Variants in ANK3 observed in about 807,000 individuals in gnomAD.
The protein encoded by ANK3 is ankyrin 3.
A neutral mutation model predicts 370.9 loss-of-function variants in ANK3; 57 were observed. The ratio of observed to expected loss-of-function variants is 0.15; its 90% CI spans 0.12 to 0.19. The LOEUF is 0.19. ANK3 is among the 10% of genes least tolerant of loss of function. ANK3 has a pLI of 1.00. For missense variants in ANK3, 4,439 were observed against 5,302.1 expected, an observed-to-expected ratio of 0.84 and a Z score of 5.06; for synonymous variants, 1,929 against 1,946.3, an observed-to-expected ratio of 0.99 and a Z score of 0.23.
At chr10:60,091,729 C>T (rs188142500) in intron 28 of ANK3, among the ~76,000 whole-genome samples, 33 of 141,668 alleles carry the variant, frequency 2.3e-4, no homozygotes, top group Admixed American at 2.2e-3. Flanking sequence ...GTAATCTGCA[C>T]ATTTTTGTTT....
In ANK3 at chr10:60,028,799, C is replaced by G. The variant is rs1020580660; in HGVS notation, c.*1047G>C. 3 of 152,474 alleles carry G rather than the reference C, an allele frequency of 2.0e-5. No individual in the cohort carries two copies. The highest frequency in any genetic ancestry group is 6.6e-5 in the Admixed American group (1 of 15,258). The allele number at this position is 152,474 out of a possible 1,614,324, so 9.4% of individuals were successfully genotyped here. ...CCTCTAAAGCGGCAAGCATTTACCC[C>G]CTTTTAAGCACTAACAGATAGCATC... On this transcript the variant is annotated 3_prime_UTR_variant, in exon 44 of 44. Transcript: ENST00000280772.
chr10:60,307,599 C>T (rs1255414314), intron 1 of ANK3, among the ~76,000 whole-genome samples: 3 of 151,940 alleles, frequency 2.0e-5, no homozygotes, highest in Non-Finnish European at 4.4e-5. Flanking sequence ...CTTGGCCTCC[C>T]AAAGTGCTGG....
intron 42 of ANK3, chr10:60,043,638 C>T (rs955856562): frequency 2.2e-5 from 22 of 985,228 alleles, no homozygotes; most frequent in Admixed American, 1.2e-4. Context: ...TGTATGGATC[C>T]GATGTGCAGA....
chr10:60,118,622 C>A (rs950883719), intron 25 of ANK3, among the ~76,000 whole-genome samples: 7 of 152,194 alleles, frequency 4.6e-5, no homozygotes, highest in African/African-American at 1.4e-4. Context: ...CAGAGTAGGG[C>A]AAAACACTTA....
intron 15 of ANK3, 129 bp downstream of exon 15, chr10:60,196,398 C>T: frequency 1.1e-6 from 1 of 915,742 alleles, no homozygotes; most frequent in East Asian, 2.6e-5. Context: ...TTTTATTTCC[C>T]AAGTGCTCTT....
intron 1 of ANK3, among the ~76,000 whole-genome samples, chr10:60,283,681 G>C (rs780650798): frequency 3.3e-5 from 5 of 152,098 alleles, no homozygotes; most frequent in African/African-American, 4.8e-5. Context: ...TTCACGGATA[G>C]AGTCAAGCAT....
chr10:60,307,875 T>C (rs1028738742), intron 1 of ANK3, among the ~76,000 whole-genome samples: 16 of 152,236 alleles, frequency 1.1e-4, no homozygotes, highest in African/African-American at 3.9e-4. Context: ...AGGACCTGGA[T>C]TCTATATAAT....
chr10:60,416,358 C>A (rs534519755), intron 2 of ANK3, among the ~76,000 whole-genome samples: 3 of 152,198 alleles, frequency 2.0e-5, no homozygotes, highest in Admixed American at 1.3e-4. Context: ...CCAAAATAAG[C>A]CAGACACATG....
intron 2 of ANK3, among the ~76,000 whole-genome samples, chr10:60,571,390 C>T (rs539445789): frequency 2.2e-4 from 33 of 152,188 alleles, no homozygotes; most frequent in Middle Eastern, 3.4e-3. Context: ...TTTTTTTAAA[C>T]GCCTGATATA....
chr10:60,596,876 A>G (rs1256339720), intron 2 of ANK3, among the ~76,000 whole-genome samples: 1 of 152,196 alleles, frequency 6.6e-6, no homozygotes, highest in Admixed American at 6.5e-5. Flanking sequence ...CTGTTCCCTT[A>G]CAAACTTTCT....
Position 60,462,907 on chromosome 10 carries a change from AT to A in ANK3, c.96+152278del, listed in dbSNP as rs531406974. ...TAGGTTCTTTTTTAAAGTTTTATTT[AT>A]TTTTTTATTCTTTGAGACAGGGTCC... On this transcript the variant is annotated intron_variant, in intron 2 of 43. Coordinates refer to the ANK3 transcript ENST00000373827. Among the ~76,000 whole-genome samples, 398 of 136,532 alleles carry A rather than the reference AT, an allele frequency of 2.9e-3. 3 individuals carry two copies. The highest frequency in any genetic ancestry group is 9.2e-3 in the African/African-American group (368 of 40,166). 89.6% of individuals were successfully genotyped at this position (136,532 alleles called of 152,430 possible).
chr10:60,319,354 A>G (rs2048139945), intron 1 of ANK3, among the ~76,000 whole-genome samples: 1 of 152,306 alleles, frequency 6.6e-6, no homozygotes, highest in African/African-American at 2.4e-5. Context: ...ACCTTTCCCC[A>G]AACAGGTAGT....
intron 1 of ANK3, among the ~76,000 whole-genome samples, chr10:60,667,287 A>G (rs2079010623): frequency 6.6e-6 from 1 of 150,484 alleles, no homozygotes; most frequent in Non-Finnish European, 1.5e-5. Context: ...TTTTAGAGAT[A>G]TAAAAGAATC....
intron 1 of ANK3, among the ~76,000 whole-genome samples, chr10:60,296,085 A>C (rs1315927068): frequency 6.6e-6 from 1 of 152,218 alleles, no homozygotes; most frequent in African/African-American, 2.4e-5. Context: ...CAAAGTCTAA[A>C]TAAATATAGT....
chr10:60,344,058 A>C (rs1333789029), intron 1 of ANK3, among the ~76,000 whole-genome samples: 1 of 152,266 alleles, frequency 6.6e-6, no homozygotes, highest in Non-Finnish European at 1.5e-5. Flanking sequence ...GGCAGATCTA[A>C]TAACAGCCTA....
chr10:60,193,374 G>T (rs1313040999), intron 16 of ANK3, among the ~76,000 whole-genome samples: 1 of 152,144 alleles, frequency 6.6e-6, no homozygotes, highest in Non-Finnish European at 1.5e-5. Context: ...AGTTATTTGT[G>T]CGCCTAGCAC....
intron 8 of ANK3, among the ~76,000 whole-genome samples, chr10:60,224,756 A>G (rs545827387): frequency 6.6e-6 from 1 of 152,168 alleles, no homozygotes; most frequent in Admixed American, 6.5e-5. Flanking sequence ...TGGCTGTAGA[A>G]CAGGATATAA....
rs556151383 is a variant in ANK3, at chr10:60,106,063, GA to G, written c.3174-5del. 1.8e-5 allele frequency: 29 copies of G among 1,588,028 alleles called. No homozygotes were observed. Among genetic ancestry groups the G allele is most frequent in the Middle Eastern group, 1.7e-4 (1 of 6,018 alleles). On this transcript the variant is annotated splice_region_variant and splice_polypyrimidine_tract_variant and intron_variant, in intron 27 of 43. Coordinates refer to ENST00000280772, the MANE Select transcript of ANK3 (RefSeq NM_020987.5). ...AGGGATTTCCACTATGACAGGGCTGGAAAAAAAATCCACATTATTTTGGTAT... is the reference window on the plus strand; with the variant it reads ...AGGGATTTCCACTATGACAGGGCTGGAAAAAAATCCACATTATTTTGGTAT...
In ANK3 at chr10:60,088,153, G is replaced by A. The variant is rs2087183213; in HGVS notation, c.3534C>T (p.Gly1178=). 3.1e-6 allele frequency: 5 copies of A among 1,613,884 alleles called. No individual in the cohort carries two copies. The East Asian group carries it at 8.9e-5, about 29-fold the overall frequency. ...EGALTKRIRV[G]LQAQPVPDEI... ...AACTTTTTGTGAACATTACCTGGAG[G>A]CCCACTCGAATTCTTTTAGTTAGGG... Residue 1178 remains glycine, a synonymous_variant, in exon 29 of 44, where the codon GGC becomes GGT. Transcript: ENST00000280772.
Sources: allele counts gnomAD v4.1 joint callset (sites outside exome capture counted in the v4.1 genomes callset), GRCh38; gene constraint gnomAD v4.1.1; transcripts MANE v1.5; gene names NCBI Gene and HGNC (gene_info 2026-07-23, HGNC 2026-07-21).